Variants in CMSS1 observed in about 807,000 individuals in gnomAD.
CMSS1 encodes protein CMSS1.
A neutral mutation model predicts 43.5 loss-of-function variants in CMSS1; 33 were observed. That is an observed-to-expected ratio of 0.76 (90% CI 0.57 to 1.01). The LOEUF (loss-of-function observed/expected upper bound fraction) is 1.01. CMSS1 is among the 50% of genes least tolerant of loss of function. The probability of loss-of-function intolerance (pLI) is 0.00; values close to 1 mark genes in which losing one functional copy is unlikely to be tolerated. For missense variants in CMSS1, 313 were observed against 326.4 expected (o/e 0.96, Z 0.32); for synonymous variants, 115 against 117.2 (o/e 0.98, Z 0.12).
At position 99,839,616 on chromosome 3, in the gene CMSS1, C is replaced by T. The variant is rs115467788; in HGVS notation, c.64+21573C>T. 4.5e-3 allele frequency among the ~76,000 whole-genome samples: 683 copies of T among 152,222 alleles called. 7 individuals are homozygous for T. Among genetic ancestry groups the T allele is most frequent in the African/African-American group, 0.016 (669 of 41,528 alleles). ...TCTAGACTCTTATTTCTCCCAAGGG[C>T]ACATGAAAAATGGAAAGCTCTAGTT... On this transcript the variant is annotated intron_variant, in intron 1 of 9. Transcript: ENST00000421999.
At chr3:100,020,790 CAG>C (rs1337609168) in intron 1 of CMSS1, among the ~76,000 whole-genome samples, 3 of 88,798 alleles carry the variant, frequency 3.4e-5, no homozygotes, top group African/African-American at 1.4e-4. Context: ...TTTTTTGAGA[CAG>C]AGTCTTGCTC....
At chr3:100,103,181 G>A (rs1026565629) in intron 1 of CMSS1, among the ~76,000 whole-genome samples, 1 of 152,170 alleles carries the variant, frequency 6.6e-6, no homozygotes, top group African/African-American at 2.4e-5. Flanking sequence ...GTGATTTGAA[G>A]TCTCCCCACA....
intron 1 of CMSS1, among the ~76,000 whole-genome samples, chr3:99,856,298 G>C (rs1943962754): frequency 6.6e-6 from 1 of 152,236 alleles, no homozygotes; most frequent in African/African-American, 2.4e-5. Context: ...AGAACACAAA[G>C]AGTATAGGTA....
chr3:100,081,813 G>C (rs912421929), intron 1 of CMSS1, among the ~76,000 whole-genome samples: 5 of 152,054 alleles, frequency 3.3e-5, no homozygotes, highest in African/African-American at 1.2e-4. Flanking sequence ...CTGGGTCTTA[G>C]TTGCAGAGGG....
intron 1 of CMSS1, among the ~76,000 whole-genome samples, chr3:99,840,226 T>TTTTC (rs1433439224): frequency 1.3e-4 from 19 of 143,766 alleles, no homozygotes; most frequent in African/African-American, 4.9e-4. Context: ...AGAATCTTTT[T>TTTTC]TTTTTTTTTT....
chr3:99,893,162 C>CT (rs1200176411), intron 1 of CMSS1, among the ~76,000 whole-genome samples: 21,370 of 107,568 alleles, frequency 0.2, 3,225 homozygotes, highest in Non-Finnish European at 0.26. Context: ...GGCATCTAGA[C>CT]TTTTTTTTTT....
At chr3:100,155,100 T>G (rs2066959260) in intron 2 of CMSS1, among the ~76,000 whole-genome samples, 1 of 152,256 alleles carries the variant, frequency 6.6e-6, no homozygotes, top group South Asian at 2.1e-4. Context: ...ATTTCTTGAC[T>G]TATCGATTTC....
chr3:99,841,526 T>A (rs140626738), intron 1 of CMSS1, among the ~76,000 whole-genome samples: 1 of 152,314 alleles, frequency 6.6e-6, no homozygotes, highest in African/African-American at 2.4e-5. Context: ...CACCTCCACC[T>A]ATCCAAAAGC....
chr3:99,922,707 A>G (rs1707162666), intron 1 of CMSS1, among the ~76,000 whole-genome samples: 1 of 152,202 alleles, frequency 6.6e-6, no homozygotes, highest in East Asian at 1.9e-4. Context: ...TCAGTTTCAT[A>G]TGGATGCTTA....
chr3:99,841,693 A>G (rs1420530796), intron 1 of CMSS1, among the ~76,000 whole-genome samples: 1 of 152,242 alleles, frequency 6.6e-6, no homozygotes, highest in African/African-American at 2.4e-5. Context: ...GACAATTCTC[A>G]AAAGAAGATA....
intron 1 of CMSS1, among the ~76,000 whole-genome samples, chr3:99,832,544 A>T (rs1384374190): frequency 9.1e-5 from 5 of 54,714 alleles, no homozygotes; most frequent in Admixed American, 7.4e-4. Context: ...CCAAATCTTT[A>T]AAAAAAAAAA....
At chr3:99,930,767 AC>A (rs1707452446) in intron 1 of CMSS1, 2 of 1,612,934 alleles carry the variant, frequency 1.2e-6, no homozygotes, top group African/African-American at 1.3e-5. Flanking sequence ...AACCCAGCTG[AC>A]CTGCAGTTCT....
chr3:99,950,855 A>AAG (rs1041622251), intron 1 of CMSS1, among the ~76,000 whole-genome samples: 6 of 150,098 alleles, frequency 4.0e-5, no homozygotes, highest in African/African-American at 1.3e-4. Context: ...AGTAAAAATA[A>AAG]AGAGAGAGAG....
chr3:99,974,695 G>A (rs1016333328), intron 1 of CMSS1, among the ~76,000 whole-genome samples: 8 of 151,986 alleles, frequency 5.3e-5, no homozygotes, highest in Admixed American at 1.3e-4. Context: ...TAACAAGAGC[G>A]AAACTCCATC....
rs887255913 is a variant in CMSS1 at position 99,941,012 on chromosome 3, A to G, written c.64+122969A>G. On this transcript the variant is annotated intron_variant, in intron 1 of 9. Coordinates refer to ENST00000421999, the MANE Select transcript of CMSS1 (RefSeq NM_032359.4). ...GCTCCCCTTTCCCAGCATCTCAGGT[A>G]TACTCCATTTATCTTCCTATAACTG... is the stretch of plus-strand genomic sequence containing the variant. Among the ~76,000 whole-genome samples the G allele has an allele frequency of 3.3e-5, 5 of 152,246 alleles. No homozygotes were observed. The East Asian group carries it at 9.6e-4, about 29-fold the overall frequency.
intron 1 of CMSS1, among the ~76,000 whole-genome samples, chr3:100,042,483 T>A (rs1221818893): frequency 6.6e-6 from 1 of 152,202 alleles, no homozygotes; most frequent in Non-Finnish European, 1.5e-5. Flanking sequence ...TTGTGCACCT[T>A]TTGACTAATC....
chr3:99,896,235 G>C (rs1368066290), intron 1 of CMSS1, among the ~76,000 whole-genome samples: 3 of 152,174 alleles, frequency 2.0e-5, no homozygotes, highest in Non-Finnish European at 4.4e-5. Context: ...TGGCAAATAA[G>C]TGGCAACATA....
At chr3:99,864,913 C>A (rs1321332980) in intron 1 of CMSS1, among the ~76,000 whole-genome samples, 1 of 152,048 alleles carries the variant, frequency 6.6e-6, no homozygotes, top group Non-Finnish European at 1.5e-5. Context: ...TGTGTATGTG[C>A]GCACACACGC....
At chr3:99,990,096 A>G (rs1165944979) in intron 1 of CMSS1, among the ~76,000 whole-genome samples, 2 of 152,170 alleles carry the variant, frequency 1.3e-5, no homozygotes, top group Non-Finnish European at 2.9e-5. Flanking sequence ...AGAAAGAGAA[A>G]TATATTGAAC....
Sources: allele counts gnomAD v4.1 joint callset (sites outside exome capture counted in the v4.1 genomes callset), GRCh38; gene constraint gnomAD v4.1.1; transcripts MANE v1.5; gene names NCBI Gene and HGNC (gene_info 2026-07-23, HGNC 2026-07-21).